Variants in DLG5 observed in about 807,000 individuals in gnomAD.
DLG5 encodes discs large MAGUK scaffold protein 5.
Under a neutral mutation model 189.8 loss-of-function variants are expected in DLG5, and 48 were observed. The observed-to-expected ratio is 0.25, with a 90% confidence interval of 0.20 to 0.32. The LOEUF (loss-of-function observed/expected upper bound fraction) is 0.32. DLG5 is among the 10% of genes least tolerant of loss of function. The probability of loss-of-function intolerance (pLI) is 1.00; values close to 1 mark genes in which losing one functional copy is unlikely to be tolerated. For synonymous variants in DLG5, 1,016 were observed against 1,054.1 expected, an observed-to-expected ratio of 0.96 and a Z score of 0.70; for missense variants, 2,160 against 2,544.7, an observed-to-expected ratio of 0.85 and a Z score of 3.25.
At position 77,906,617 on chromosome 10, in the gene DLG5, C is replaced by CTT. The variant is rs35116526; in HGVS notation, c.304+19598_304+19599dup. On this transcript the variant is annotated intron_variant, in intron 1 of 31. Coordinates refer to ENST00000372391, the MANE Select transcript of DLG5 (RefSeq NM_004747.4). ...TGGGCAGCAACAGTGCTGCGCTCCA[C>CTT]TTTTTTTTTTTTTTTTTTTTTTCCT... Among the ~76,000 whole-genome samples the CTT allele has an allele frequency of 5.1e-3, 516 of 102,114 alleles. 12 individuals carry two copies. The highest frequency in any genetic ancestry group is 6.9e-3 in the South Asian group (18 of 2,598). 67.0% of individuals were successfully genotyped at this position (102,114 alleles called of 152,430 possible).
chr10:77,791,321 G>C lies in DLG5; in HGVS notation c.*1119C>G, dbSNP rs1840633634. Reference sequence around the variant, plus strand: ...AGGAACCACATCAAATCTTCAGCCAGACATATCTAGCCTCAGAAGTGCAAA... The same window carrying C: ...AGGAACCACATCAAATCTTCAGCCACACATATCTAGCCTCAGAAGTGCAAA... On this transcript the variant is annotated 3_prime_UTR_variant, in exon 32 of 32. Transcript: ENST00000372391. 6.7e-6 allele frequency: 1 copy of C among 149,286 alleles called. No individual in the cohort carries two copies. The highest frequency in any genetic ancestry group is 1.5e-5 in the Non-Finnish European group (1 of 67,682). The allele number at this position is 149,286 out of a possible 1,614,324, so 9.2% of individuals were successfully genotyped here.
chr10:77,817,650 G>C (rs10824577), intron 18 of DLG5, 127 bp downstream of exon 18: 241,517 of 756,400 alleles, frequency 0.32, 39,702 homozygotes, highest in Non-Finnish European at 0.35. Flanking sequence ...GTAGAGAAAT[G>C]AGCTCAGTCC....
chr10:77,887,210 G>A (rs910984242), intron 1 of DLG5, among the ~76,000 whole-genome samples: 3 of 152,148 alleles, frequency 2.0e-5, no homozygotes, highest in African/African-American at 4.8e-5. Flanking sequence ...CCAAGATCAA[G>A]GAACTAACCC....
At chr10:77,795,969 G>T (rs914129212) in intron 29 of DLG5, 92 bp downstream of exon 29, 2 of 1,580,054 alleles carry the variant, frequency 1.3e-6, no homozygotes, top group Non-Finnish European at 1.7e-6. Flanking sequence ...GGTCTGAGCC[G>T]CTGGGGCAGA....
At chr10:77,867,542 G>A (rs1319084548) in intron 2 of DLG5, among the ~76,000 whole-genome samples, 1 of 152,142 alleles carries the variant, frequency 6.6e-6, no homozygotes, top group African/African-American at 2.4e-5. Context: ...ATGTCTCCGG[G>A]CACCAAAAGC....
chr10:77,842,172 C>G lies in DLG5; in HGVS notation c.1146G>C (p.Glu382Asp), dbSNP rs1843452471. 1.9e-6 allele frequency: 3 copies of G among 1,604,584 alleles called. No homozygotes were observed. The highest frequency in any genetic ancestry group is 2.5e-6 in the Non-Finnish European group (3 of 1,179,702). ...TGTTCTGCGCCGTGGCCTTGTTCAG[C>G]TCATGGTGGATCGCCTCAAACCTGG... The part of the protein sequence containing the change: ...SLRRFEAIHH[E>D]LNKATAQNKD... Residue 382 changes from glutamate to aspartate, a missense_variant, in exon 7 of 32, where the codon GAG becomes GAC. By Grantham distance (45) the Glu-to-Asp change is conservative. Coordinates refer to ENST00000372391, the MANE Select transcript of DLG5 (RefSeq NM_004747.4).
At chr10:77,935,575 C>A in the DLG5 span, among the ~76,000 whole-genome samples, 1 of 152,196 alleles carries the variant, frequency 6.6e-6, no homozygotes, top group Non-Finnish European at 1.5e-5. Flanking sequence ...TCCTGGCGGT[C>A]TGCTCTGAGT....
intron 1 of DLG5, among the ~76,000 whole-genome samples, chr10:77,915,072 T>A (rs2131847543): frequency 6.6e-6 from 1 of 152,318 alleles, no homozygotes; most frequent in African/African-American, 2.4e-5. Flanking sequence ...CTTGCACCTG[T>A]AATCCCAGCA....
At chr10:77,838,566 C>T (rs1465636027) in intron 7 of DLG5, among the ~76,000 whole-genome samples, 1 of 152,184 alleles carries the variant, frequency 6.6e-6, no homozygotes, top group Admixed American at 6.5e-5. Context: ...TTTGCCTCAG[C>T]CCACTCAGAA....
Position 77,817,042 on chromosome 10 carries a change from G to A in DLG5, c.3839C>T (p.Pro1280Leu). Residue 1280 changes from proline (P) to leucine (L), a missense_variant, in exon 19 of 32, where the codon CCA becomes CTA. By Grantham distance (98) the Pro-to-Leu change is moderately conservative. Around this residue, in one of 5 missense-constraint regions of DLG5, gnomAD observed 754 missense variants for 746.5 expected, o/e 1.01. Transcript: ENST00000372391. ...KAERIKIPST[P>L]RYPRSVVGSE... ...GCCCACGACACTCCGCGGATATCTT[G>A]GTGTTGATGGGATTTTAATGCGTTC... 1.2e-6 allele frequency: 2 copies of A among 1,614,138 alleles called. No individual in the cohort carries two copies. Among genetic ancestry groups the A allele is most frequent in the Non-Finnish European group, 1.7e-6 (2 of 1,180,036 alleles).
intron 31 of DLG5, chr10:77,793,677 G>A (rs931401223): frequency 8.1e-5 from 26 of 320,574 alleles, no homozygotes; most frequent in Middle Eastern, 9.5e-4. Context: ...ACTGGGGGCT[G>A]CTCCAGTCCC....
Position 77,808,931 on chromosome 10 carries a change from C to T in DLG5, c.4647+616G>A, listed in dbSNP as rs149622094. ...CCAACATGATGAAACCCCGTCTCTA[C>T]AAAAAATACAAAAATAAATTAGCTG... On this transcript the variant is annotated intron_variant, in intron 24 of 31. Transcript: ENST00000372391. Among the ~76,000 whole-genome samples, 1,069 of 148,972 alleles carry T rather than the reference C, an allele frequency of 7.2e-3. 5 individuals are homozygous for T. Among genetic ancestry groups the T allele is most frequent in the Middle Eastern group, 0.043 (11 of 258 alleles).
At chr10:77,909,889 T>C (rs1423225583) in intron 1 of DLG5, among the ~76,000 whole-genome samples, 2 of 152,156 alleles carry the variant, frequency 1.3e-5, no homozygotes, top group East Asian at 3.9e-4. Context: ...CTTATCCTCT[T>C]ATCTTTATAA....
At chr10:77,836,105 C>T (rs897333198) in intron 7 of DLG5, among the ~76,000 whole-genome samples, 183 bp from the exon 8 acceptor site, 1 of 152,136 alleles carries the variant, frequency 6.6e-6, no homozygotes, top group African/African-American at 2.4e-5. Context: ...TCCTATTAAC[C>T]AGCACCCCCT....
At chr10:77,895,193 G>T (rs1008279979) in intron 1 of DLG5, among the ~76,000 whole-genome samples, 1 of 152,058 alleles carries the variant, frequency 6.6e-6, no homozygotes. Flanking sequence ...GGGCAGCACT[G>T]CCCTGGCCCA....
intron 6 of DLG5, 27 bp from the exon 7 acceptor site, chr10:77,842,220 G>C: frequency 6.3e-7 from 1 of 1,589,774 alleles, no homozygotes; most frequent in Non-Finnish European, 8.5e-7. Flanking sequence ...CGAGATGTGG[G>C]AAGGGCGGGG....
intron 27 of DLG5, among the ~76,000 whole-genome samples, chr10:77,804,204 A>T (rs557784561): frequency 6.6e-6 from 1 of 152,160 alleles, no homozygotes; most frequent in South Asian, 2.1e-4. Context: ...AACTTTTTCT[A>T]TAAGGGGCAA....
chr10:77,892,188 G>A (rs1490367485), intron 1 of DLG5, among the ~76,000 whole-genome samples: 2 of 152,294 alleles, frequency 1.3e-5, no homozygotes, highest in South Asian at 2.1e-4. Context: ...GGCTCTGATC[G>A]CAGTAGCACA....
chr10:77,867,705 C>T (rs1844740038), intron 2 of DLG5, among the ~76,000 whole-genome samples: 1 of 152,222 alleles, frequency 6.6e-6, no homozygotes, highest in Non-Finnish European at 1.5e-5. Context: ...AGTCCCAATC[C>T]AGTAAATGTG....
Sources: gnomAD v4.1 joint callset for allele counts (sites outside exome capture counted in the v4.1 genomes callset) on GRCh38, gnomAD v4.1.1 for gene constraint, gnomAD v4.1.1 regional missense constraint, MANE v1.5 for transcripts, NCBI Gene and HGNC (gene_info 2026-07-23, HGNC 2026-07-21) for gene names.